Variants in CNTNAP2 observed in about 807,000 individuals in gnomAD.
CNTNAP2 encodes contactin associated protein 2, also known as contactin-associated protein-like 2.
CNTNAP2 carries 98 observed loss-of-function variants against 155.2 expected under a neutral mutation model. That is an observed-to-expected ratio of 0.63 (90% CI 0.54 to 0.75). CNTNAP2 has a LOEUF of 0.75. CNTNAP2 is among the 30% of genes least tolerant of loss of function. The pLI is 0.00. For missense variants in CNTNAP2, 1,727 were observed against 1,688.1 expected, an observed-to-expected ratio of 1.02 and a Z score of -0.40; for synonymous variants, 651 against 631.2, an observed-to-expected ratio of 1.03 and a Z score of -0.47.
intron 1 of CNTNAP2, among the ~76,000 whole-genome samples, chr7:146,185,297 G>T (rs1798607299): frequency 6.6e-6 from 1 of 152,068 alleles, no homozygotes; most frequent in Non-Finnish European, 1.5e-5. Context: ...TTAGAGCAAG[G>T]AACAGCAAAC....
intron 1 of CNTNAP2, among the ~76,000 whole-genome samples, chr7:146,453,555 G>C (rs1398502436): frequency 6.6e-6 from 1 of 152,104 alleles, no homozygotes; most frequent in Non-Finnish European, 1.5e-5. Flanking sequence ...TATGAACTAA[G>C]CAGGAAAATA....
intron 4 of CNTNAP2, among the ~76,000 whole-genome samples, chr7:147,065,807 G>A (rs1295157726): frequency 6.6e-6 from 1 of 152,036 alleles, no homozygotes; most frequent in African/African-American, 2.4e-5. Flanking sequence ...TTGATTGTTA[G>A]AAGTAGAAAT....
chr7:147,715,811 C>T (rs1584916133), intron 13 of CNTNAP2, among the ~76,000 whole-genome samples: 2 of 152,032 alleles, frequency 1.3e-5, no homozygotes, highest in East Asian at 3.9e-4. Flanking sequence ...TTTTTCTAGA[C>T]ATTTTATAGT....
chr7:148,415,146 T>A (rs546176601), intron 23 of CNTNAP2, among the ~76,000 whole-genome samples: 1 of 152,346 alleles, frequency 6.6e-6, no homozygotes, highest in East Asian at 1.9e-4. Context: ...CCTTTCTGCC[T>A]GTTTTCTAAT....
chr7:148,340,867 C>T (rs1045467735), intron 21 of CNTNAP2, among the ~76,000 whole-genome samples: 3 of 152,122 alleles, frequency 2.0e-5, no homozygotes, highest in African/African-American at 7.2e-5. Flanking sequence ...TCTCCAGGCC[C>T]GTCTTTACTT....
At chr7:148,045,853 C>A (rs1802765156) in intron 15 of CNTNAP2, among the ~76,000 whole-genome samples, 1 of 152,080 alleles carries the variant, frequency 6.6e-6, no homozygotes, top group Admixed American at 6.6e-5. Flanking sequence ...AGAAGTAAGA[C>A]ACATCAAAAA....
intron 12 of CNTNAP2, among the ~76,000 whole-genome samples, chr7:147,624,849 G>A (rs1319006701): frequency 6.6e-6 from 1 of 152,084 alleles, no homozygotes; most frequent in Non-Finnish European, 1.5e-5. Context: ...AGATTTGGAA[G>A]CAACCAAAGC....
chr7:146,244,281 C>T (rs573579541), intron 1 of CNTNAP2, among the ~76,000 whole-genome samples: 1 of 152,074 alleles, frequency 6.6e-6, no homozygotes, highest in Non-Finnish European at 1.5e-5. Flanking sequence ...GCTTTGATGA[C>T]TTGGAGAAAC....
At chr7:146,269,803 G>A (rs767006566) in intron 1 of CNTNAP2, among the ~76,000 whole-genome samples, 5 of 152,222 alleles carry the variant, frequency 3.3e-5, no homozygotes, top group Non-Finnish European at 5.9e-5. Context: ...GTTGCTTCAT[G>A]TGTGGCATGG....
chr7:146,380,686 T>G (rs1271024868), intron 1 of CNTNAP2, among the ~76,000 whole-genome samples: 3 of 151,396 alleles, frequency 2.0e-5, no homozygotes, highest in African/African-American at 7.3e-5. Flanking sequence ...CAGGGACAAA[T>G]TATTCTTTGT....
At chr7:147,230,556 T>C (rs1365257642) in intron 8 of CNTNAP2, among the ~76,000 whole-genome samples, 1 of 152,170 alleles carries the variant, frequency 6.6e-6, no homozygotes, top group Admixed American at 6.5e-5. Flanking sequence ...GCCTGAAATA[T>C]TTAATTGACA....
intron 12 of CNTNAP2, among the ~76,000 whole-genome samples, chr7:147,635,447 C>T (rs1256717360): frequency 1.3e-5 from 2 of 151,936 alleles, no homozygotes; most frequent in African/African-American, 4.8e-5. Context: ...TGTATAAATG[C>T]TTATTGCACT....
intron 1 of CNTNAP2, among the ~76,000 whole-genome samples, chr7:146,346,590 G>A (rs918154753): frequency 2.0e-5 from 3 of 152,168 alleles, no homozygotes; most frequent in Non-Finnish European, 4.4e-5. Context: ...GCTGAGGCAG[G>A]AGAAGTGCTT....
intron 1 of CNTNAP2, among the ~76,000 whole-genome samples, chr7:146,233,995 T>A (rs1179575618): frequency 1.3e-5 from 2 of 150,872 alleles, no homozygotes; most frequent in East Asian, 3.9e-4. Flanking sequence ...ATGGGATGGC[T>A]GGGTCAAATG....
intron 1 of CNTNAP2, among the ~76,000 whole-genome samples, chr7:146,324,459 T>G (rs1801062238): frequency 6.6e-6 from 1 of 152,110 alleles, no homozygotes; most frequent in Non-Finnish European, 1.5e-5. Flanking sequence ...TCACAAAAGC[T>G]TCCCCTGTGT....
intron 1 of CNTNAP2, among the ~76,000 whole-genome samples, chr7:146,393,991 C>T (rs184301517): frequency 8.4e-4 from 128 of 152,188 alleles, no homozygotes; most frequent in African/African-American, 3.0e-3. Flanking sequence ...ACACAGTTGG[C>T]CAGTCAGCAA....
intron 13 of CNTNAP2, among the ~76,000 whole-genome samples, chr7:147,724,044 T>G (rs1215639952): frequency 6.6e-6 from 1 of 151,986 alleles, no homozygotes; most frequent in Non-Finnish European, 1.5e-5. Flanking sequence ...ATAGCACTCC[T>G]GATGTATTTC....
chr7:147,878,807 A>G (rs1430528027), intron 13 of CNTNAP2, among the ~76,000 whole-genome samples: 1 of 152,200 alleles, frequency 6.6e-6, no homozygotes, highest in Non-Finnish European at 1.5e-5. Context: ...CCATAATACT[A>G]CTGAATAAAT....
chr7:146,637,435 A>G (rs1188740451), intron 1 of CNTNAP2, among the ~76,000 whole-genome samples: 1 of 152,056 alleles, frequency 6.6e-6, no homozygotes, highest in African/African-American at 2.4e-5. Context: ...ATTCTTCCTT[A>G]ATTTTTACTA....
Sources: allele counts gnomAD v4.1 joint callset (sites outside exome capture counted in the v4.1 genomes callset), GRCh38; gene constraint gnomAD v4.1.1; transcripts MANE v1.5; gene names NCBI Gene and HGNC (gene_info 2026-07-23, HGNC 2026-07-21).